ZMIZ1: variants seen among roughly 807,000 people sequenced by gnomAD.
ZMIZ1 encodes the protein zinc finger MIZ-type containing 1.
In ZMIZ1, 17 loss-of-function variants were observed where a neutral mutation model predicts 113.9. The ratio of observed to expected loss-of-function variants is 0.15; its 90% CI spans 0.10 to 0.22. The LOEUF (loss-of-function observed/expected upper bound fraction) is 0.22, where lower values mean the gene tolerates loss of function less well. Among genes scored for constraint, ZMIZ1 ranks in the 10% least tolerant of loss-of-function variants. ZMIZ1 has a pLI of 1.00. For missense variants in ZMIZ1, 1,059 were observed against 1,477.8 expected (o/e 0.72, Z 4.65); for synonymous variants, 607 against 603.1 (o/e 1.01, Z -0.09).
chr10:79,094,569 C>T (rs754871769), intron 1 of ZMIZ1, among the ~76,000 whole-genome samples: 45 of 152,332 alleles, frequency 3.0e-4, no homozygotes, highest in Middle Eastern at 3.4e-3. Context: ...TGTATCTGTC[C>T]GTTGTCCCTG....
chr10:79,306,879 A>G (rs776480323), intron 22 of ZMIZ1, among the ~76,000 whole-genome samples: 50 of 152,200 alleles, frequency 3.3e-4, no homozygotes, highest in Non-Finnish European at 6.6e-4. Context: ...GAACTCCCAC[A>G]GTGTGCCAAG....
intron 1 of ZMIZ1, among the ~76,000 whole-genome samples, chr10:79,092,482 C>A (rs1417997845): frequency 6.6e-6 from 1 of 152,270 alleles, no homozygotes; most frequent in Non-Finnish European, 1.5e-5. Flanking sequence ...CGCAGTGTGG[C>A]TGTTGTTGTG....
intron 8 of ZMIZ1, 86 bp from the exon 9 acceptor site, chr10:79,289,689 C>T (rs908455760): frequency 3.2e-6 from 4 of 1,262,616 alleles, no homozygotes; most frequent in African/African-American, 1.5e-5. Flanking sequence ...CTGGGAGCTG[C>T]GGTCACTTGG....
chr10:79,305,345 C>T, intron 20 of ZMIZ1, 114 bp downstream of exon 20: 1 of 1,309,494 alleles, frequency 7.6e-7, no homozygotes, highest in Non-Finnish European at 1.1e-6. Flanking sequence ...CCAAACATGG[C>T]AGAGGGGCTC....
rs1848315838 is a variant in ZMIZ1 at position 79,206,287 on chromosome 10, C to A, written c.61-2049C>A. 2.0e-5 allele frequency among the ~76,000 whole-genome samples: 3 copies of A among 152,208 alleles called. No individual in the cohort carries two copies. The South Asian group carries it at 6.2e-4, about 32-fold the overall frequency. On this transcript the variant is annotated intron_variant, in intron 5 of 24. Coordinates refer to ENST00000334512, the MANE Select transcript of ZMIZ1 (RefSeq NM_020338.4). Reference sequence around the variant, plus strand: ...CCTCTGAGATGGACCTCAGAGGCTACCCCTGCACCCAGAGCCCCAAAGTGG... The same window carrying A: ...CCTCTGAGATGGACCTCAGAGGCTAACCCTGCACCCAGAGCCCCAAAGTGG...
intron 1 of ZMIZ1, among the ~76,000 whole-genome samples, chr10:79,102,497 G>A (rs904288327): frequency 2.0e-4 from 31 of 152,232 alleles, no homozygotes; most frequent in Non-Finnish European, 7.3e-5. Context: ...TCTCAGCAAG[G>A]CTGCCCAGGG....
At chr10:79,218,982 T>C (rs1380624212) in intron 7 of ZMIZ1, among the ~76,000 whole-genome samples, 2 of 150,254 alleles carry the variant, frequency 1.3e-5, no homozygotes, top group African/African-American at 2.5e-5. Flanking sequence ...AATGGGAACA[T>C]GGCTAAATGC....
intron 7 of ZMIZ1, among the ~76,000 whole-genome samples, chr10:79,242,989 T>TG (rs1351682202): frequency 1.4e-5 from 1 of 70,510 alleles, no homozygotes; most frequent in Non-Finnish European, 3.0e-5. Context: ...GGCGGCGGGC[T>TG]GGGGGGCGGG....
Position 79,297,641 on chromosome 10 carries a change from C to T in ZMIZ1, c.1442C>T (p.Thr481Met), listed in dbSNP as rs745588375. ...KPEQFNGQNN[T>M]FSGSSYSNYS... is the part of the protein sequence containing the mutation. ...GAACAGTTTAATGGACAAAATAACA[C>T]GTTCTCGGGAAGCAGCTACAGTAAC... Residue 481 changes from threonine (T) to methionine (M), a missense_variant, in exon 14 of 25, where the codon ACG (threonine) becomes ATG (methionine). Physicochemically the swap from Thr to Met is moderately conservative, Grantham distance 81 (BLOSUM62 -1). This residue lies in a region of ZMIZ1 where 239 missense variants were observed against 247.5 expected (regional missense o/e 0.97). Transcript: ENST00000334512. 33 of 1,613,968 alleles carry T rather than the reference C, an allele frequency of 2.0e-5. No homozygotes were observed. Among genetic ancestry groups the T allele is most frequent in the South Asian group, 4.4e-5 (4 of 91,082 alleles).
At position 79,155,877 on chromosome 10, in the gene ZMIZ1, G is replaced by A. The variant is rs1242429812; in HGVS notation, c.-130-6176G>A. On this transcript the variant is annotated intron_variant, in intron 3 of 24. Coordinates refer to ENST00000334512, the MANE Select transcript of ZMIZ1 (RefSeq NM_020338.4). ...CTCCTGCCTGAAAGACTGCCCGAGG[G>A]ACGGTGGCTCTGCCCCCCATTTTGC... is the stretch of plus-strand genomic sequence containing the variant. 7.2e-5 allele frequency among the ~76,000 whole-genome samples: 11 copies of A among 152,376 alleles called. No individual in the cohort carries two copies. In the East Asian group the frequency reaches 1.7e-3, roughly 24 times the overall value.
At chr10:79,112,059 A>G (rs1447506435) in intron 1 of ZMIZ1, among the ~76,000 whole-genome samples, 1 of 152,168 alleles carries the variant, frequency 6.6e-6, no homozygotes, top group Non-Finnish European at 1.5e-5. Flanking sequence ...GTGTGGCTGG[A>G]GTGTAGAGGG....
intron 7 of ZMIZ1, among the ~76,000 whole-genome samples, chr10:79,217,485 A>G (rs536151971): frequency 6.6e-6 from 1 of 152,342 alleles, no homozygotes; most frequent in Admixed American, 6.5e-5. Flanking sequence ...TATTGTTAAC[A>G]TTCCTTATGG....
At chr10:79,094,729 G>A (rs972629992) in intron 1 of ZMIZ1, among the ~76,000 whole-genome samples, 3 of 152,208 alleles carry the variant, frequency 2.0e-5, no homozygotes, top group African/African-American at 4.8e-5. Context: ...TGAGCGGATC[G>A]CTTGAGCTCA....
At chr10:79,267,727 G>A (rs145807386) in intron 7 of ZMIZ1, among the ~76,000 whole-genome samples, 43 of 152,328 alleles carry the variant, frequency 2.8e-4, no homozygotes, top group Non-Finnish European at 5.6e-4. Context: ...GTTTCCAGGT[G>A]GGACTCTGGT....
chr10:79,311,785 G>A (rs1348208745), intron 24 of ZMIZ1, among the ~76,000 whole-genome samples: 3 of 152,140 alleles, frequency 2.0e-5, no homozygotes, highest in Non-Finnish European at 2.9e-5. Context: ...GGAAGATGGT[G>A]GGGGTCACCC....
intron 4 of ZMIZ1, among the ~76,000 whole-genome samples, chr10:79,180,186 C>A (rs932847691): frequency 6.6e-6 from 1 of 152,138 alleles, no homozygotes; most frequent in Non-Finnish European, 1.5e-5. Flanking sequence ...GGGGGCCTCT[C>A]GAGAGGCATG....
chr10:79,277,733 AGTAAGACTGG>A (rs1805001626), intron 8 of ZMIZ1, among the ~76,000 whole-genome samples: 2 of 152,186 alleles, frequency 1.3e-5, no homozygotes, highest in African/African-American at 4.8e-5. Context: ...CCTGGAGCCA[AGTAAGACTGG>A]GCTGGGTCCA....
chr10:79,155,773 G>A (rs906412581), intron 3 of ZMIZ1, among the ~76,000 whole-genome samples: 1 of 152,246 alleles, frequency 6.6e-6, no homozygotes, highest in African/African-American at 2.4e-5. Flanking sequence ...CCTGCTCACT[G>A]ATGCCCTCTG....
chr10:79,146,729 T>C (rs1428371493), intron 3 of ZMIZ1, among the ~76,000 whole-genome samples: 1 of 151,978 alleles, frequency 6.6e-6, no homozygotes, highest in African/African-American at 2.4e-5. Flanking sequence ...GCTGGGCGGG[T>C]GCTCTGCCCC....
Sources: allele counts gnomAD v4.1 joint callset (sites outside exome capture counted in the v4.1 genomes callset), GRCh38; gene constraint gnomAD v4.1.1; regional missense constraint gnomAD v4.1.1; transcripts MANE v1.5; gene names NCBI Gene and HGNC (gene_info 2026-07-23, HGNC 2026-07-21).